MRPL34: variants seen among roughly 807,000 people sequenced by gnomAD.
The protein encoded by MRPL34 is mitochondrial ribosomal protein L34.
A neutral mutation model predicts 6.7 loss-of-function variants in MRPL34; 8 were observed. The observed-to-expected ratio is 1.20, with a 90% CI of 0.70 to 2.16. MRPL34 has a LOEUF of 2.16. Ranked by LOEUF, MRPL34 falls within the 30% of genes most tolerant of loss-of-function variation. The pLI, the probability that MRPL34 is intolerant of heterozygous loss-of-function variation, is 0.00. For missense variants in MRPL34, 146 were observed against 125.5 expected (o/e 1.16, Z -0.78); for synonymous variants, 59 against 55.1 (o/e 1.07, Z -0.31).
In MRPL34 at chr19:17,305,991, G is replaced by T. The variant is rs577046279; in HGVS notation, c.65+34G>T. 2.2e-5 allele frequency: 36 copies of T among 1,612,256 alleles called. 1 individual carries two copies. In the South Asian group the frequency reaches 3.8e-4, roughly 17 times the overall value. On this transcript the variant is annotated intron_variant, in intron 1 of 1. Coordinates refer to ENST00000252602, the MANE Select transcript of MRPL34 (RefSeq NM_023937.4). ...TCAGGGGGACCCTTCCCCAAATCAG[G>T]GAATAAGGGCGGCTTCGGAGGCTGG...
At chr19:17,304,292 C>T (rs893954613), upstream of MRPL34, among the ~76,000 whole-genome samples, 5 of 152,248 alleles carry the variant, frequency 3.3e-5, no homozygotes, top group Non-Finnish European at 5.9e-5. Context: ...AATCCAGCCT[C>T]TGCCCTTTGC....
At chr19:17,294,703 A>G (rs375423667) in intron 1 of MRPL34, 1 of 1,613,986 alleles carries the variant, frequency 6.2e-7, no homozygotes, top group Non-Finnish European at 8.5e-7. Flanking sequence ...AGGCAGGGCG[A>G]CAAGCAGTGC....
chr19:17,300,950 C>T, upstream of MRPL34: 1 of 1,613,496 alleles, frequency 6.2e-7, no homozygotes, highest in Admixed American at 1.7e-5. Flanking sequence ...GTGTAGGCTG[C>T]GGCCACCTGG....
At chr19:17,294,274 G>C in intron 1 of MRPL34, 1 of 1,593,528 alleles carries the variant, frequency 6.3e-7, no homozygotes, top group Non-Finnish European at 8.5e-7. Context: ...GGCGCCCCAG[G>C]TGCCCGCCTC....
At position 17,294,650 on chromosome 19, in the gene MRPL34, C is replaced by T. The variant is rs749594333; in HGVS notation, c.214+1796C>T. On this transcript the variant is annotated intron_variant, in intron 1 of 2. Transcript: ENST00000595444. Reference sequence around the variant, plus strand: ...CCTGGGTTCGCCAGGGCCAGGATCACGGTCTTTGGGGTGGGGACACTCACT... The same window carrying T: ...CCTGGGTTCGCCAGGGCCAGGATCATGGTCTTTGGGGTGGGGACACTCACT... 13 of 1,611,428 alleles carry T rather than the reference C, an allele frequency of 8.1e-6. No individual in the cohort carries two copies. The South Asian group carries it at 1.1e-4, about 14-fold the overall frequency.
chr19:17,294,578 C>A, intron 1 of MRPL34: 1 of 1,609,182 alleles, frequency 6.2e-7, no homozygotes. Context: ...GATGCCAGCC[C>A]TAGTCCCAGC....
At chr19:17,300,757 C>A (rs71338623), upstream of MRPL34, 1 of 1,415,894 alleles carries the variant, frequency 7.1e-7, no homozygotes, top group Non-Finnish European at 9.6e-7. Context: ...GGATTACAGG[C>A]GTGAGCCACG....
rs1165987756 is a variant in MRPL34 at position 17,306,766 on chromosome 19, G to A, written c.*387G>A. 1.2e-5 allele frequency: 2 copies of A among 160,544 alleles called. No homozygotes were observed. The highest frequency in any genetic ancestry group is 4.8e-5 in the African/African-American group (2 of 41,732). 9.9% of individuals were successfully genotyped at this position (160,544 alleles called of 1,614,324 possible). Reference sequence around the variant, plus strand: ...GAGCTCATTAAAAGACAATTACAAAGCTTATCACATCCAAAAGAATTATCA... The same window carrying A: ...GAGCTCATTAAAAGACAATTACAAAACTTATCACATCCAAAAGAATTATCA... On this transcript the variant is annotated 3_prime_UTR_variant, in exon 2 of 2. Transcript: ENST00000252602.
upstream of MRPL34, among the ~76,000 whole-genome samples, chr19:17,299,464 G>A (rs1413019799): frequency 1.3e-5 from 2 of 151,074 alleles, no homozygotes; most frequent in Admixed American, 6.6e-5. Flanking sequence ...GGGAGGCTGA[G>A]GCAGGAGAAT....
upstream of MRPL34, chr19:17,305,695 G>T: frequency 3.1e-6 from 2 of 644,370 alleles, no homozygotes; most frequent in Non-Finnish European, 5.6e-6. Flanking sequence ...TGTATGCAGA[G>T]CATCCCTGTG....
At chr19:17,301,011 G>A, upstream of MRPL34, 1 of 1,613,502 alleles carries the variant, frequency 6.2e-7, no homozygotes, top group Non-Finnish European at 8.5e-7. Context: ...CCACCTCATA[G>A]CCTAGGCGCA....
chr19:17,294,888 G>A (rs1167198263), intron 1 of MRPL34: 8 of 1,598,222 alleles, frequency 5.0e-6, no homozygotes, highest in East Asian at 4.5e-5. Context: ...GAAGGGAGGC[G>A]GTCAGCAGGA....
upstream of MRPL34, chr19:17,292,600 AGGCTC>A: frequency 6.6e-7 from 1 of 1,508,370 alleles, no homozygotes; most frequent in Non-Finnish European, 8.9e-7. Context: ...GACCTGGCGC[AGGCTC>A]GGGCCTCCTC....
upstream of MRPL34, chr19:17,301,125 C>T: frequency 6.2e-7 from 1 of 1,613,042 alleles, no homozygotes; most frequent in Admixed American, 1.7e-5. Flanking sequence ...TAGTGATGCG[C>T]TTCTCACAGT....
At chr19:17,304,972 G>T (rs7253389), upstream of MRPL34, among the ~76,000 whole-genome samples, 52,113 of 151,906 alleles carry the variant, frequency 0.34, 9,458 homozygotes, top group South Asian at 0.42. Flanking sequence ...GGCCCCAAGG[G>T]ATCCTCCCTC....
At chr19:17,297,683 G>A (rs935985894) in intron 1 of MRPL34, 1 of 151,110 alleles carries the variant, frequency 6.6e-6, no homozygotes, top group African/African-American at 2.4e-5. Flanking sequence ...AATAAGAGCT[G>A]TTACCTCTCA....
intron 1 of MRPL34, chr19:17,294,344 C>A: frequency 6.2e-7 from 1 of 1,613,010 alleles, no homozygotes; most frequent in Non-Finnish European, 8.5e-7. Context: ...ATGCCGTGGA[C>A]AAGCAGGACG....
At chr19:17,299,237 C>CA (rs879790329), upstream of MRPL34, among the ~76,000 whole-genome samples, 2,044 of 142,662 alleles carry the variant, frequency 0.014, 54 homozygotes, top group Non-Finnish European at 0.016. Context: ...TAATGAGACC[C>CA]CCCCCCCATT....
chr19:17,299,904 C>CT (rs35667706), upstream of MRPL34, among the ~76,000 whole-genome samples: 1,133 of 140,176 alleles, frequency 8.1e-3, 11 homozygotes, highest in African/African-American at 0.028. Flanking sequence ...GTGGTGGCCC[C>CT]TTTTTTTTTT....
Sources: gnomAD v4.1 joint callset for allele counts (sites outside exome capture counted in the v4.1 genomes callset) on GRCh38, gnomAD v4.1.1 for gene constraint, MANE v1.5 for transcripts, NCBI Gene and HGNC (gene_info 2026-07-23, HGNC 2026-07-21) for gene names.